Variants in CDKL4 observed in about 807,000 individuals in gnomAD.
CDKL4 encodes cyclin-dependent kinase-like 4.
In CDKL4, 44 loss-of-function variants were observed where a neutral mutation model predicts 42.0. The ratio of observed to expected loss-of-function variants is 1.05; its 90% CI spans 0.82 to 1.35. CDKL4 has a LOEUF of 1.35. CDKL4 is among the 40% of genes most tolerant of loss of function. The pLI is 0.00. For synonymous variants in CDKL4, 120 were observed against 121.6 expected, an observed-to-expected ratio of 0.99 and a Z score of 0.09; for missense variants, 393 against 369.9, an observed-to-expected ratio of 1.06 and a Z score of -0.51.
At chr2:39,170,105 T>G in the CDKL4 span, among the ~76,000 whole-genome samples, 1 of 151,768 alleles carries the variant, frequency 6.6e-6, no homozygotes, top group African/African-American at 2.4e-5. Flanking sequence ...CTCAAGCAAT[T>G]CACCTGCCTC....
downstream of CDKL4, among the ~76,000 whole-genome samples, chr2:39,170,708 G>C (rs538079277): frequency 6.6e-5 from 10 of 152,114 alleles, no homozygotes; most frequent in Admixed American, 3.3e-4. Flanking sequence ...GCCCACCTCA[G>C]CCTCCCAAAG....
intron 5 of CDKL4, among the ~76,000 whole-genome samples, chr2:39,203,126 G>A (rs1033126141): frequency 6.6e-6 from 1 of 152,044 alleles, no homozygotes; most frequent in Non-Finnish European, 1.5e-5. Flanking sequence ...ATTCAGACAA[G>A]AATGACTATG....
intron 8 of CDKL4, among the ~76,000 whole-genome samples, chr2:39,181,927 T>C (rs1396382728): frequency 6.6e-6 from 1 of 152,196 alleles, no homozygotes; most frequent in Admixed American, 6.5e-5. Context: ...ATATCAATGA[T>C]AATTAAGTCC....
chr2:39,173,683 G>A (rs1393944756), downstream of CDKL4, among the ~76,000 whole-genome samples: 3 of 151,926 alleles, frequency 2.0e-5, no homozygotes, highest in South Asian at 6.3e-4. Flanking sequence ...GGTGGTGGGC[G>A]CCTGTAGTCC....
intron 5 of CDKL4, among the ~76,000 whole-genome samples, chr2:39,200,178 C>T (rs574923714): frequency 6.6e-6 from 1 of 151,888 alleles, no homozygotes; most frequent in Admixed American, 6.6e-5. Context: ...AATCAGTAGC[C>T]CCGCTATATA....
chr2:39,239,837 C>A (rs1223478210), intron 1 of CDKL4, among the ~76,000 whole-genome samples: 1 of 152,198 alleles, frequency 6.6e-6, no homozygotes, highest in Non-Finnish European at 1.5e-5. Context: ...CGCCTGTAAT[C>A]CCAACACTTT....
intron 7 of CDKL4, among the ~76,000 whole-genome samples, chr2:39,184,944 G>A (rs1376238026): frequency 2.0e-5 from 3 of 151,322 alleles, no homozygotes; most frequent in Non-Finnish European, 4.4e-5. Context: ...TATGTTGCAT[G>A]AGCTGGTCTC....
chr2:39,213,425 G>T (rs540434458), exon 4 of CDKL4: 123 of 1,607,714 alleles, frequency 7.7e-5, no homozygotes, highest in Non-Finnish European at 1.0e-4. Flanking sequence ...GAAATTAAGA[G>T]CTTGAAGTGT....
At chr2:39,216,299 G>A (rs1322257553) in intron 3 of CDKL4, among the ~76,000 whole-genome samples, 1 of 152,182 alleles carries the variant, frequency 6.6e-6, no homozygotes, top group Admixed American at 6.5e-5. Flanking sequence ...GGGAAGAGGT[G>A]CAGAATAGCA....
downstream of CDKL4, among the ~76,000 whole-genome samples, chr2:39,173,576 G>A (rs182217957): frequency 2.2e-3 from 334 of 152,246 alleles, 1 homozygote; most frequent in African/African-American, 7.8e-3. Flanking sequence ...TTGGGAGGCC[G>A]AGATGGGCGG....
chr2:39,213,720 TAGAAAAGTAAAGGAATAAAAAAA>T (rs1677730518), intron 3 of CDKL4, among the ~76,000 whole-genome samples: 1 of 150,978 alleles, frequency 6.6e-6, no homozygotes, highest in Admixed American at 6.6e-5. Context: ...TCAAAAAATA[TAGAAAAGTAAAGGAATAAAAAAA>T]AGAAAAGGAA....
At chr2:39,179,298 A>T (rs1266244878) in exon 9 of CDKL4, 1 of 1,602,558 alleles carries the variant, frequency 6.2e-7, no homozygotes, top group Non-Finnish European at 8.5e-7. Flanking sequence ...TTAATCTGTC[A>T]TCTGGATTCA....
rs145528803 is a variant in CDKL4, at chr2:39,196,356, C to T, written c.455-5854G>A. Among the ~76,000 whole-genome samples, 347 of 152,290 alleles carry T rather than the reference C, an allele frequency of 2.3e-3. 1 individual carries two copies. Among genetic ancestry groups the T allele is most frequent in the African/African-American group, 8.1e-3 (336 of 41,568 alleles). On this transcript the variant is annotated intron_variant, in intron 5 of 9. Coordinates refer to ENST00000451199, the Ensembl canonical transcript of CDKL4. ...ATCACATCACGGGACTCTTTGCAGA[C>T]ACTTCCTAGTACCAGCCCAGAGCCT...
intron 9 of CDKL4, among the ~76,000 whole-genome samples, chr2:39,177,102 T>A (rs1010537051): frequency 6.6e-6 from 1 of 152,186 alleles, no homozygotes; most frequent in African/African-American, 2.4e-5. Context: ...ATTCTCTAGG[T>A]GCATGCTGCC....
intron 5 of CDKL4, among the ~76,000 whole-genome samples, chr2:39,193,128 TAAAAAAAAAAAA>T (rs747083150): frequency 9.6e-5 from 8 of 83,502 alleles, no homozygotes; most frequent in African/African-American, 3.2e-4. Flanking sequence ...ACTCCATCTC[TAAAAAAAAAAAA>T]AAAAAAAAAG....
At chr2:39,226,014 T>C (rs1678693444) in intron 2 of CDKL4, 54 bp from the exon 3 acceptor site, 1 of 1,510,356 alleles carries the variant, frequency 6.6e-7, no homozygotes, top group South Asian at 1.3e-5. Flanking sequence ...TAAAAGCTTC[T>C]ACCCAGACCC....
chr2:39,227,298 A>G (rs186873955), intron 2 of CDKL4, among the ~76,000 whole-genome samples: 23 of 152,344 alleles, frequency 1.5e-4, no homozygotes, highest in African/African-American at 5.3e-4. Context: ...AGCATTTTGC[A>G]TATAGTAGAA....
chr2:39,177,916 T>A (rs1399406709), intron 9 of CDKL4, among the ~76,000 whole-genome samples: 5 of 152,166 alleles, frequency 3.3e-5, no homozygotes, highest in African/African-American at 1.2e-4. Context: ...GTCAAACTCC[T>A]GACCTCAAGT....
intron 1 of CDKL4, among the ~76,000 whole-genome samples, chr2:39,243,632 G>C (rs1679773865): frequency 6.6e-6 from 1 of 152,174 alleles, no homozygotes; most frequent in African/African-American, 2.4e-5. Flanking sequence ...CCCCGCCGCC[G>C]CCCACTCCCT....
Sources: allele counts gnomAD v4.1 joint callset (sites outside exome capture counted in the v4.1 genomes callset), GRCh38; gene constraint gnomAD v4.1.1; transcripts MANE v1.5; gene names NCBI Gene and HGNC (gene_info 2026-07-23, HGNC 2026-07-21).